Variants in MYO9A observed in about 807,000 individuals in gnomAD.
The protein encoded by MYO9A is unconventional myosin-IXa.
A neutral mutation model predicts 293.3 loss-of-function variants in MYO9A; 103 were observed. The observed-to-expected ratio is 0.35, with a 90% CI of 0.30 to 0.41. The LOEUF is 0.41. Ranked by LOEUF, MYO9A falls within the 10% of genes least tolerant of loss-of-function variation. The pLI is 1.00. For synonymous variants in MYO9A, 1,001 were observed against 1,035.7 expected (o/e 0.97, Z 0.64); for missense variants, 2,685 against 3,033.0 (o/e 0.89, Z 2.69).
chr15:71,847,155 G>C (rs1056627177), intron 39 of MYO9A, among the ~76,000 whole-genome samples: 1 of 152,184 alleles, frequency 6.6e-6, no homozygotes, highest in Non-Finnish European at 1.5e-5. Context: ...CCAAAAGGAG[G>C]CTCATCTAAC....
intron 6 of MYO9A, among the ~76,000 whole-genome samples, chr15:72,014,536 A>T (rs1417588292): frequency 1.3e-5 from 2 of 152,124 alleles, no homozygotes; most frequent in Non-Finnish European, 2.9e-5. Flanking sequence ...AAATACAAAA[A>T]TTAGCCAGGC....
At chr15:71,962,221 T>A (rs2075764584) in intron 13 of MYO9A, among the ~76,000 whole-genome samples, 1 of 152,166 alleles carries the variant, frequency 6.6e-6, no homozygotes, top group African/African-American at 2.4e-5. Flanking sequence ...ACTATAATCT[T>A]ACCAAATGGA....
At chr15:72,100,833 T>C (rs1175915141) in intron 1 of MYO9A, among the ~76,000 whole-genome samples, 3 of 148,034 alleles carry the variant, frequency 2.0e-5, no homozygotes, top group South Asian at 2.2e-4. Flanking sequence ...GTGAGGAGCG[T>C]CTCCGCCCGG....
intron 11 of MYO9A, among the ~76,000 whole-genome samples, chr15:71,981,836 G>C (rs925974871): frequency 1.3e-5 from 2 of 151,530 alleles, no homozygotes; most frequent in African/African-American, 4.9e-5. Context: ...TTAGTTTGCT[G>C]ATCTTTTTCC....
intron 1 of MYO9A, among the ~76,000 whole-genome samples, chr15:72,072,259 G>A (rs1423795187): frequency 6.6e-6 from 1 of 151,710 alleles, no homozygotes; most frequent in Non-Finnish European, 1.5e-5. Context: ...AGCCTCCAGA[G>A]CAGCTGGGAC....
chr15:71,978,231 C>T lies in MYO9A; in HGVS notation c.1784G>A (p.Cys595Tyr), dbSNP rs148508433. ...HNIDYIDNTC[C>Y]INLISKKPTG... ...TGGTTTTTTGCTAATAAGATTTATGCAGCAGGTATTATCAATGTAATCTAT... is the reference window on the plus strand; with the variant it reads ...TGGTTTTTTGCTAATAAGATTTATGTAGCAGGTATTATCAATGTAATCTAT... The change falls in exon 12 of 42, where the codon TGC (cysteine) becomes TAC (tyrosine). Residue 595 changes from cysteine (C) to tyrosine (Y), a missense_variant. Cys to Tyr is a radical substitution (Grantham distance 194). Around this residue, in one of 10 missense-constraint regions of MYO9A, gnomAD observed 201 missense variants for 245.2 expected, o/e 0.82. Coordinates refer to ENST00000356056, the MANE Select transcript of MYO9A (RefSeq NM_006901.4). 13 of 1,612,852 alleles carry T rather than the reference C, an allele frequency of 8.1e-6. No homozygotes were observed. Among genetic ancestry groups the T allele is most frequent in the Non-Finnish European group, 1.1e-5 (13 of 1,179,220 alleles).
At chr15:72,050,643 C>G (rs775811508) in intron 1 of MYO9A, among the ~76,000 whole-genome samples, 32 of 150,858 alleles carry the variant, frequency 2.1e-4, no homozygotes, top group Non-Finnish European at 4.1e-4. Flanking sequence ...AACAAACAAA[C>G]AAAATTTTTT....
chr15:71,934,786 C>CTTTTTTTTTTTTTTTTTTTTTTTTTTT (rs1167613386), intron 17 of MYO9A, among the ~76,000 whole-genome samples: 1 of 61,788 alleles, frequency 1.6e-5, no homozygotes. Flanking sequence ...CTTTTCTTTT[C>CTTTTTTTTTTTTTTTTTTTTTTTTTTT]TTTTTTTTTT....
Position 71,826,725 on chromosome 15 carries a change from T to TTTTG in MYO9A, c.7498_7501dup (p.Lys2501ThrfsTer45), listed in dbSNP as rs775441611. The TTTTG allele has an allele frequency of 2.7e-5, 43 of 1,613,984 alleles. No homozygotes were observed. The highest frequency in any genetic ancestry group is 3.2e-5 in the Non-Finnish European group (38 of 1,179,992). On this transcript the variant is annotated frameshift_variant, in exon 42 of 42. Transcript: ENST00000356056. LOFTEE classifies it high-confidence loss of function. ...AGGTGAGTTTTTCACATTCTTTAAT[T>TTTTG]TTTGTTTGCCCTTTTCCGGGTTGAA...
At chr15:71,945,601 C>T (rs192465856) in intron 15 of MYO9A, among the ~76,000 whole-genome samples, 2 of 152,030 alleles carry the variant, frequency 1.3e-5, no homozygotes, top group Non-Finnish European at 2.9e-5. Flanking sequence ...CTTGGTATCC[C>T]GTAAAAATGT....
chr15:71,874,626 G>A (rs528237049), intron 32 of MYO9A, among the ~76,000 whole-genome samples: 6 of 152,254 alleles, frequency 3.9e-5, no homozygotes, highest in African/African-American at 9.6e-5. Flanking sequence ...GAACTATAAC[G>A]GGAGAAGAGT....
At chr15:72,064,379 TA>T (rs1247904391) in intron 1 of MYO9A, among the ~76,000 whole-genome samples, 2 of 152,174 alleles carry the variant, frequency 1.3e-5, no homozygotes, top group Admixed American at 6.5e-5. Context: ...CCATTTGCCC[TA>T]ATGTGATTAT....
At chr15:71,982,797 T>G (rs1476890965) in intron 11 of MYO9A, among the ~76,000 whole-genome samples, 2 of 152,236 alleles carry the variant, frequency 1.3e-5, no homozygotes, top group African/African-American at 2.4e-5. Flanking sequence ...TTTTTGAGTT[T>G]TATTCATTAT....
chr15:72,079,614 G>A (rs147060651), intron 1 of MYO9A, among the ~76,000 whole-genome samples: 2 of 152,236 alleles, frequency 1.3e-5, no homozygotes, highest in East Asian at 3.9e-4. Context: ...ACTGGAAAGA[G>A]CACCACTAGG....
intron 19 of MYO9A, among the ~76,000 whole-genome samples, chr15:71,908,623 T>G (rs1205066685): frequency 6.6e-6 from 1 of 152,188 alleles, no homozygotes; most frequent in Non-Finnish European, 1.5e-5. Flanking sequence ...AAATAGACTT[T>G]TGGAGCAGTT....
At chr15:71,951,091 G>A (rs192793683) in intron 15 of MYO9A, among the ~76,000 whole-genome samples, 2 of 152,254 alleles carry the variant, frequency 1.3e-5, no homozygotes, top group African/African-American at 2.4e-5. Context: ...AAAAGAACAT[G>A]CACCATGATT....
intron 9 of MYO9A, among the ~76,000 whole-genome samples, chr15:71,998,676 C>T (rs2076777209): frequency 6.6e-6 from 1 of 151,666 alleles, no homozygotes; most frequent in Admixed American, 6.6e-5. Context: ...GTGTTGCACC[C>T]ATTAACTCGT....
intron 6 of MYO9A, among the ~76,000 whole-genome samples, chr15:72,016,424 G>A (rs2077341115): frequency 6.6e-6 from 1 of 152,110 alleles, no homozygotes; most frequent in Non-Finnish European, 1.5e-5. Context: ...CCACACAAGG[G>A]CAACAACAGG....
intron 15 of MYO9A, among the ~76,000 whole-genome samples, chr15:71,949,096 CTCTTTA>C (rs976338774): frequency 2.0e-5 from 3 of 152,078 alleles, no homozygotes; most frequent in African/African-American, 4.8e-5. Flanking sequence ...TCAAGATTTT[CTCTTTA>C]TCTTTGACAT....
Sources: gnomAD v4.1 joint callset for allele counts (sites outside exome capture counted in the v4.1 genomes callset) on GRCh38, gnomAD v4.1.1 for gene constraint, gnomAD v4.1.1 regional missense constraint, MANE v1.5 for transcripts, NCBI Gene and HGNC (gene_info 2026-07-23, HGNC 2026-07-21) for gene names.